The following AKAP13 variants were observed in gnomAD, a reference collection of about 807,000 sequenced individuals.
The protein encoded by AKAP13 is A-kinase anchoring protein 13, also known as A-kinase anchor protein 13.
Under a neutral mutation model 264.5 loss-of-function variants are expected in AKAP13, and 80 were observed. The ratio of observed to expected loss-of-function variants is 0.30; its 90% CI spans 0.25 to 0.36. The LOEUF (loss-of-function observed/expected upper bound fraction) is 0.36, where lower values mean the gene tolerates loss of function less well. Ranked by LOEUF, AKAP13 falls within the 10% of genes least tolerant of loss-of-function variation. AKAP13 has a pLI of 1.00. For missense variants in AKAP13, 3,712 were observed against 3,435.2 expected, an observed-to-expected ratio of 1.08 and a Z score of -2.01; for synonymous variants, 1,380 against 1,250.2, an observed-to-expected ratio of 1.10 and a Z score of -2.19.
intron 8 of AKAP13, among the ~76,000 whole-genome samples, chr15:85,611,637 T>G (rs1412689142): frequency 2.0e-5 from 3 of 152,346 alleles, no homozygotes; most frequent in African/African-American, 7.2e-5. Context: ...TTTGAGCGTA[T>G]TCCAGAAAAA....
chr15:85,686,549 A>G lies in AKAP13; in HGVS notation c.5289+1676A>G, dbSNP rs573660994. On this transcript the variant is annotated intron_variant, in intron 16 of 36. Transcript: ENST00000394518. ...AGGGAGAGATGCAAAGAGTCTAGCA[A>G]ATTATTTCTAGCATAATCACACATT... 5.9e-5 allele frequency among the ~76,000 whole-genome samples: 9 copies of G among 152,240 alleles called. No homozygotes were observed. In the South Asian group the frequency reaches 1.7e-3, roughly 28 times the overall value.
chr15:85,477,845 G>T (rs536577607), intron 1 of AKAP13, among the ~76,000 whole-genome samples: 27 of 152,170 alleles, frequency 1.8e-4, no homozygotes, highest in African/African-American at 6.5e-4. Flanking sequence ...CAACTTTGAG[G>T]TATGTGGATT....
intron 18 of AKAP13, 48 bp from the exon 19 acceptor site, chr15:85,710,531 G>T: frequency 1.3e-6 from 2 of 1,593,040 alleles, no homozygotes; most frequent in Non-Finnish European, 1.7e-6. Context: ...GGCTTCTCAG[G>T]GCTTGTCAGA....
At chr15:85,445,263 G>C (rs993761483) in intron 1 of AKAP13, among the ~76,000 whole-genome samples, 3 of 152,170 alleles carry the variant, frequency 2.0e-5, no homozygotes, top group Non-Finnish European at 4.4e-5. Context: ...AAAGAAAATG[G>C]TCAGCAACTT....
Position 85,669,718 on chromosome 15 carries a change from A to G in AKAP13, c.4993-4A>G, listed in dbSNP as rs377078495. ...AACGTGTTCTTCACTTTTTTACTTC[A>G]CAGATATGTCACAGATCTAAGCAGC... On this transcript the variant is annotated splice_region_variant and splice_polypyrimidine_tract_variant and intron_variant, in intron 13 of 36. Coordinates refer to ENST00000394518, the MANE Select transcript of AKAP13 (RefSeq NM_007200.5). 6 of 1,600,062 alleles carry G rather than the reference A, an allele frequency of 3.7e-6. No homozygotes were observed. In the African/African-American group the frequency reaches 8.0e-5, roughly 21 times the overall value.
At chr15:85,561,280 A>T (rs1018803731) in intron 5 of AKAP13, among the ~76,000 whole-genome samples, 1 of 151,814 alleles carries the variant, frequency 6.6e-6, no homozygotes, top group African/African-American at 2.4e-5. Flanking sequence ...CTGGTCTCGA[A>T]CTCCTGACCT....
rs74024880 is a variant in AKAP13, at chr15:85,493,616, G to A, written c.33+7863G>A. 4.7e-3 allele frequency among the ~76,000 whole-genome samples: 713 copies of A among 152,282 alleles called. 10 individuals are homozygous for A. The highest frequency in any genetic ancestry group is 0.013 in the African/African-American group (532 of 41,550). ...TAGTTGAAGAAGCGTACTAGAAATA[G>A]TGCCTATATCTCTCCAGTCCTGAAT... On this transcript the variant is annotated intron_variant, in intron 2 of 36. Transcript: ENST00000394518.
At chr15:85,696,592 A>C (rs181770264) in intron 17 of AKAP13, among the ~76,000 whole-genome samples, 1 of 152,312 alleles carries the variant, frequency 6.6e-6, no homozygotes, top group East Asian at 1.9e-4. Context: ...ATCTCAGAAA[A>C]ACGGGAAGAG....
At position 85,438,601 on chromosome 15, in the gene AKAP13, T is replaced by G. The variant is rs1417168989; in HGVS notation, c.-11-47109T>G. Among the ~76,000 whole-genome samples the G allele has an allele frequency of 4.1e-5, 6 of 147,080 alleles. No homozygotes were observed. In the East Asian group the frequency reaches 1.2e-3, roughly 30 times the overall value. ...GGCTACAGTAACCAAAACAGCATGG[T>G]ACTGGTACCAAAACAGAGATATAGA... On this transcript the variant is annotated intron_variant, in intron 1 of 36. Coordinates refer to ENST00000394518, the MANE Select transcript of AKAP13 (RefSeq NM_007200.5).
chr15:85,704,943 C>A (rs2086146845), intron 17 of AKAP13, among the ~76,000 whole-genome samples: 1 of 152,178 alleles, frequency 6.6e-6, no homozygotes. Context: ...GAGTCCAGGA[C>A]AACTTGGAAA....
At position 85,521,419 on chromosome 15, in the gene AKAP13, C is replaced by T. The variant is rs2076820426; in HGVS notation, c.34-9C>T. Reference sequence around the variant, plus strand: ...TAATGTAAACTTGCTATATTGTTTCCTTTCCTAGGGTGATTGTGTTGTTAC... The same window carrying T: ...TAATGTAAACTTGCTATATTGTTTCTTTTCCTAGGGTGATTGTGTTGTTAC... On this transcript the variant is annotated splice_polypyrimidine_tract_variant and intron_variant, in intron 2 of 36. Transcript: ENST00000394518. 6.2e-7 allele frequency: 1 copy of T among 1,612,864 alleles called. No homozygotes were observed. The highest frequency in any genetic ancestry group is 1.7e-5 in the Admixed American group (1 of 59,812).
At chr15:85,577,272 A>G (rs78182666) in intron 6 of AKAP13, among the ~76,000 whole-genome samples, 96 of 152,364 alleles carry the variant, frequency 6.3e-4, no homozygotes, top group African/African-American at 2.0e-3. Flanking sequence ...GAGTAGGTGA[A>G]TGAGAGGATG....
intron 4 of AKAP13, among the ~76,000 whole-genome samples, chr15:85,538,633 A>G (rs1184292128): frequency 2.8e-5 from 4 of 143,008 alleles, no homozygotes; most frequent in African/African-American, 7.8e-5. Flanking sequence ...GGGACTACAG[A>G]CGCCCGCCAC....
chr15:85,615,101 A>G (rs1163822103), intron 8 of AKAP13, among the ~76,000 whole-genome samples: 1 of 152,222 alleles, frequency 6.6e-6, no homozygotes, highest in Non-Finnish European at 1.5e-5. Context: ...TGTAAAGAGC[A>G]CAAGTTTACG....
At chr15:85,653,996 C>T (rs915330639) in intron 10 of AKAP13, among the ~76,000 whole-genome samples, 1 of 152,202 alleles carries the variant, frequency 6.6e-6, no homozygotes. Flanking sequence ...GGATTACAGG[C>T]ATGAGCCACT....
rs370369255 is a variant in AKAP13 at position 85,744,726 on chromosome 15, A to G, written c.*49A>G. The G allele has an allele frequency of 6.0e-4, 918 of 1,529,864 alleles. 1 individual carries two copies. Among genetic ancestry groups the G allele is most frequent in the Non-Finnish European group, 7.8e-4 (877 of 1,131,464 alleles). 94.8% of individuals were successfully genotyped at this position (1,529,864 alleles called of 1,614,324 possible). A position where few individuals can be genotyped will look rare whatever the true frequency, so the allele number is the denominator to read the frequency against. On this transcript the variant is annotated 3_prime_UTR_variant, in exon 37 of 37. Coordinates refer to ENST00000394518, the MANE Select transcript of AKAP13 (RefSeq NM_007200.5). ...GCTGCCTCCTGATCCTGGCCAGCCC[A>G]CCTCTCCTGCTGTCCCCGCGTGCAC...
At chr15:85,396,440 T>C (rs1192598281) in intron 1 of AKAP13, among the ~76,000 whole-genome samples, 2 of 152,216 alleles carry the variant, frequency 1.3e-5, no homozygotes, top group East Asian at 3.8e-4. Flanking sequence ...AATTGACTCA[T>C]ATACTCATTA....
At chr15:85,440,685 C>G (rs1221404661) in intron 1 of AKAP13, among the ~76,000 whole-genome samples, 1 of 152,204 alleles carries the variant, frequency 6.6e-6, no homozygotes, top group Non-Finnish European at 1.5e-5. Flanking sequence ...GGCGTTGCAT[C>G]AAGTTCTCTT....
At chr15:85,612,796 T>G (rs1431117185) in intron 8 of AKAP13, among the ~76,000 whole-genome samples, 1 of 144,798 alleles carries the variant, frequency 6.9e-6, no homozygotes, top group Non-Finnish European at 1.5e-5. Flanking sequence ...TGCACTCCAG[T>G]CTGGGCAACA....
Sources: allele counts gnomAD v4.1 joint callset (sites outside exome capture counted in the v4.1 genomes callset), GRCh38; gene constraint gnomAD v4.1.1; transcripts MANE v1.5; gene names NCBI Gene and HGNC (gene_info 2026-07-23, HGNC 2026-07-21).